The following CDH6 variants were observed in gnomAD, a reference collection of about 807,000 sequenced individuals.
CDH6 encodes cadherin-6.
Under a neutral mutation model 78.0 loss-of-function variants are expected in CDH6, and 31 were observed. That is an observed-to-expected ratio of 0.40 (90% CI 0.30 to 0.54). The LOEUF is 0.54. Among genes scored for constraint, CDH6 ranks in the 20% least tolerant of loss-of-function variants. The pLI is 0.56. For synonymous variants in CDH6, 376 were observed against 368.8 expected, an observed-to-expected ratio of 1.02 and a Z score of -0.23; for missense variants, 724 against 975.9, an observed-to-expected ratio of 0.74 and a Z score of 3.44.
intron 8 of CDH6, among the ~76,000 whole-genome samples, chr5:31,315,031 G>A (rs140374985): frequency 1.4e-3 from 216 of 152,158 alleles, no homozygotes; most frequent in African/African-American, 4.8e-3. Flanking sequence ...CACTCACCTC[G>A]GGGCCTTTGC....
chr5:31,279,614 G>C (rs966813345), intron 2 of CDH6, among the ~76,000 whole-genome samples: 1 of 151,886 alleles, frequency 6.6e-6, no homozygotes, highest in Non-Finnish European at 1.5e-5. Flanking sequence ...AAAATCATAA[G>C]AAAGGGAAAA....
intron 1 of CDH6, among the ~76,000 whole-genome samples, chr5:31,205,749 A>G (rs998944498): frequency 6.6e-6 from 1 of 152,110 alleles, no homozygotes; most frequent in Non-Finnish European, 1.5e-5. Flanking sequence ...TTTGCCTCTC[A>G]TCCAAATAAT....
chr5:31,252,328 G>GGTGTGTGTGTGTGT (rs5867065), intron 1 of CDH6, among the ~76,000 whole-genome samples: 26,041 of 148,862 alleles, frequency 0.17, 2,475 homozygotes, highest in South Asian at 0.25. Context: ...ATGTGTGTGT[G>GGTGTGTGTGTGTGT]GTGTGTGTGT....
rs747954155 is a variant in CDH6 at position 31,240,930 on chromosome 5, G to T, written c.-128-26416G>T. On this transcript the variant is annotated intron_variant, in intron 1 of 11. Coordinates refer to ENST00000265071, the MANE Select transcript of CDH6 (RefSeq NM_004932.4). Reference sequence around the variant, plus strand: ...AATTCCTTAACTTTCTGATTGCCTTGTCATTTTTATAGTCCAGGCTAGTCC... The same window carrying T: ...AATTCCTTAACTTTCTGATTGCCTTTTCATTTTTATAGTCCAGGCTAGTCC... 3.3e-4 allele frequency among the ~76,000 whole-genome samples: 50 copies of T among 152,134 alleles called. 1 individual carries two copies. Among genetic ancestry groups the T allele is most frequent in the Admixed American group, 1.3e-4 (2 of 15,262 alleles).
At chr5:31,298,324 G>A (rs962226939) in intron 4 of CDH6, among the ~76,000 whole-genome samples, 3 of 152,102 alleles carry the variant, frequency 2.0e-5, no homozygotes, top group African/African-American at 7.2e-5. Flanking sequence ...CATCCAGTTG[G>A]AAATCTCTGT....
rs1397554902 is a variant in CDH6, at chr5:31,328,698, C to T, written c.*5390C>T. On this transcript the variant is annotated 3_prime_UTR_variant, in exon 12 of 12. Transcript: ENST00000265071. ...TATTGATTGTTTTTAATTAAAAATA[C>T]TTCCAAGTATAAATTGAAACGGATG... 13 of 211,676 alleles carry T rather than the reference C, an allele frequency of 6.1e-5. No homozygotes were observed. The highest frequency in any genetic ancestry group is 1.4e-4 in the East Asian group (2 of 14,124). 13.1% of individuals were successfully genotyped at this position (211,676 alleles called of 1,614,324 possible). A position where few individuals can be genotyped will look rare whatever the true frequency, so the allele number is the denominator to read the frequency against.
At chr5:31,216,073 T>C (rs1002176278) in intron 1 of CDH6, among the ~76,000 whole-genome samples, 2 of 152,148 alleles carry the variant, frequency 1.3e-5, no homozygotes, top group Non-Finnish European at 2.9e-5. Context: ...TAGTCTATTA[T>C]ATTATTTAGA....
intron 1 of CDH6, among the ~76,000 whole-genome samples, chr5:31,242,290 G>A (rs897688642): frequency 1.3e-5 from 2 of 152,118 alleles, no homozygotes; most frequent in African/African-American, 4.8e-5. Context: ...TGGAGACATT[G>A]AGCTCTAGAT....
intron 1 of CDH6, among the ~76,000 whole-genome samples, chr5:31,201,880 T>TAATACTAACATTTGG (rs1279483884): frequency 6.6e-6 from 1 of 152,164 alleles, no homozygotes; most frequent in Non-Finnish European, 1.5e-5. Context: ...TTACAGAGAT[T>TAATACTAACATTTGG]AATACTAACA....
At chr5:31,219,636 A>C (rs1446944951) in intron 1 of CDH6, among the ~76,000 whole-genome samples, 1 of 152,068 alleles carries the variant, frequency 6.6e-6, no homozygotes, top group Non-Finnish European at 1.5e-5. Flanking sequence ...CTCATCCTGA[A>C]ATGACTTCTA....
At chr5:31,237,952 C>T (rs960408519) in intron 1 of CDH6, among the ~76,000 whole-genome samples, 3 of 152,108 alleles carry the variant, frequency 2.0e-5, no homozygotes, top group Non-Finnish European at 4.4e-5. Flanking sequence ...TTAAGTATTC[C>T]AAAGATTTTT....
intron 2 of CDH6, among the ~76,000 whole-genome samples, chr5:31,292,040 A>C (rs953620076): frequency 3.9e-5 from 6 of 152,196 alleles, no homozygotes; most frequent in Admixed American, 3.9e-4. Flanking sequence ...AGTTGCACCA[A>C]ATAATCTATA....
intron 1 of CDH6, chr5:31,250,700 C>T: frequency 6.5e-6 from 1 of 152,692 alleles, no homozygotes; most frequent in Non-Finnish European, 1.5e-5. Context: ...CACAAGGGGC[C>T]CCAAGGAGTG....
intron 1 of CDH6, among the ~76,000 whole-genome samples, chr5:31,263,088 T>C (rs1742251385): frequency 6.6e-6 from 1 of 152,170 alleles, no homozygotes; most frequent in South Asian, 2.1e-4. Flanking sequence ...ACAGAATACC[T>C]GAAACTGGAT....
At chr5:31,285,069 G>C (rs1257092423) in intron 2 of CDH6, among the ~76,000 whole-genome samples, 2 of 152,218 alleles carry the variant, frequency 1.3e-5, no homozygotes, top group African/African-American at 4.8e-5. Context: ...AATGGCACTA[G>C]AGCTTGAGGG....
In CDH6 at chr5:31,324,235, T is replaced by C. The variant is rs1344255148; in HGVS notation, c.*927T>C. Reference sequence around the variant, plus strand: ...TTGTCTATAGTTGTCAGTATTATTCTACTATACTGTACATGAAAGTAGCAG... The same window carrying C: ...TTGTCTATAGTTGTCAGTATTATTCCACTATACTGTACATGAAAGTAGCAG... On this transcript the variant is annotated 3_prime_UTR_variant, in exon 12 of 12. Transcript: ENST00000265071. 4.7e-6 allele frequency: 1 copy of C among 212,966 alleles called. No individual in the cohort carries two copies. Among genetic ancestry groups the C allele is most frequent in the Non-Finnish European group, 9.5e-6 (1 of 105,372 alleles). 13.2% of individuals were successfully genotyped at this position (212,966 alleles called of 1,614,324 possible).
At chr5:31,290,253 C>CCA (rs1251141795) in intron 2 of CDH6, among the ~76,000 whole-genome samples, 2 of 152,114 alleles carry the variant, frequency 1.3e-5, no homozygotes. Flanking sequence ...GAGTGAGACT[C>CCA]CATCTCTTAA....
intron 2 of CDH6, among the ~76,000 whole-genome samples, chr5:31,268,494 A>G (rs1343422609): frequency 6.6e-6 from 1 of 152,204 alleles, no homozygotes; most frequent in African/African-American, 2.4e-5. Context: ...TTTTATCATC[A>G]GCTCCATCCT....
intron 2 of CDH6, among the ~76,000 whole-genome samples, chr5:31,273,317 C>G (rs1742584979): frequency 1.3e-5 from 2 of 152,164 alleles, no homozygotes; most frequent in Non-Finnish European, 2.9e-5. Flanking sequence ...TTCAGCGAGT[C>G]TCTGAACCAC....
Sources: gnomAD v4.1 joint callset for allele counts (sites outside exome capture counted in the v4.1 genomes callset) on GRCh38, gnomAD v4.1.1 for gene constraint, MANE v1.5 for transcripts, NCBI Gene and HGNC (gene_info 2026-07-23, HGNC 2026-07-21) for gene names.